PSIP1: variants seen among roughly 807,000 people sequenced by gnomAD.
The protein encoded by PSIP1 is PC4 and SFRS1-interacting protein.
In PSIP1, 19 loss-of-function variants were observed where a neutral mutation model predicts 74.7. The observed-to-expected ratio is 0.25, with a 90% CI of 0.18 to 0.37. The LOEUF (loss-of-function observed/expected upper bound fraction) is 0.37. Among genes scored for constraint, PSIP1 ranks in the 10% least tolerant of loss-of-function variants. The pLI is 1.00. For synonymous variants in PSIP1, 222 were observed against 195.3 expected (o/e 1.14, Z -1.14); for missense variants, 601 against 614.3 (o/e 0.98, Z 0.23).
chr9:15,465,800 G>A, intron 15 of PSIP1: 8 of 458,770 alleles, frequency 1.7e-5, no homozygotes, highest in South Asian at 8.8e-5. Flanking sequence ...GTAATATGCA[G>A]ATGAAGCAAA....
chr9:15,509,970 C>CA, intron 2 of PSIP1, 147 bp downstream of exon 2: 1 of 731,232 alleles, frequency 1.4e-6, no homozygotes, highest in Non-Finnish European at 2.0e-6. Flanking sequence ...GATTATTGGG[C>CA]AAAAAACTAA....
intron 10 of PSIP1, chr9:15,472,411 A>G (rs62571001): frequency 0.048 from 64,377 of 1,344,986 alleles, 1,685 homozygotes; most frequent in Middle Eastern, 0.072. Context: ...TTAAATTCAA[A>G]AATAATTCAC....
Position 15,473,927 on chromosome 9 carries a change from CAAAAA to C in PSIP1, c.858+77_858+81del, listed in dbSNP as rs768554289. The C allele has an allele frequency of 2.1e-5, 11 of 514,856 alleles. No homozygotes were observed. The African/African-American group carries it at 2.2e-4, about 10-fold the overall frequency. The allele number at this position is 514,856 out of a possible 1,614,324, so 31.9% of individuals were successfully genotyped here. A position where few individuals can be genotyped will look rare whatever the true frequency, so the allele number is the denominator to read the frequency against. On this transcript the variant is annotated intron_variant, in intron 9 of 15. Transcript: ENST00000380733. ...AACAAAAAAAAAACAAAAAAAAAAA[CAAAAA>C]AAAAACAAAGAAAAAACAAAAAATA... is the stretch of plus-strand genomic sequence containing the variant.
At chr9:15,476,537 T>A (rs564876554) in intron 8 of PSIP1, among the ~76,000 whole-genome samples, 1 of 152,156 alleles carries the variant, frequency 6.6e-6, no homozygotes, top group East Asian at 1.9e-4. Context: ...GACTTTCAAA[T>A]TGGGTGATAG....
chr9:15,499,152 A>T (rs2037215211), intron 3 of PSIP1, among the ~76,000 whole-genome samples: 1 of 151,498 alleles, frequency 6.6e-6, no homozygotes, highest in South Asian at 2.1e-4. Context: ...AAAACAGCAG[A>T]GTCTCAACTT....
At chr9:15,468,383 C>A in intron 14 of PSIP1, 1 of 707,932 alleles carries the variant, frequency 1.4e-6, no homozygotes. Context: ...ATTGTTTATC[C>A]AGAGTCATCT....
intron 3 of PSIP1, among the ~76,000 whole-genome samples, chr9:15,504,532 T>C (rs554562599): frequency 4.9e-4 from 74 of 152,172 alleles, no homozygotes; most frequent in Non-Finnish European, 7.8e-4. Flanking sequence ...GGTCAGGAGA[T>C]CGAGACCATC....
chr9:15,476,685 T>C (rs2132071907), intron 8 of PSIP1, among the ~76,000 whole-genome samples: 1 of 152,304 alleles, frequency 6.6e-6, no homozygotes, highest in African/African-American at 2.4e-5. Context: ...GTATCTGTTA[T>C]TAAATATAAA....
intron 3 of PSIP1, among the ~76,000 whole-genome samples, chr9:15,503,076 G>A (rs2037417808): frequency 6.6e-6 from 1 of 152,136 alleles, no homozygotes; most frequent in African/African-American, 2.4e-5. Flanking sequence ...AAACTAAAAA[G>A]TTCAAACAGG....
chr9:15,496,972 T>G (rs934107765), intron 3 of PSIP1, among the ~76,000 whole-genome samples: 2 of 152,124 alleles, frequency 1.3e-5, no homozygotes, highest in Non-Finnish European at 2.9e-5. Context: ...CAATTGCTGG[T>G]GGGAATGTTA....
chr9:15,469,445 G>A, intron 11 of PSIP1, 109 bp from the exon 12 acceptor site: 1 of 644,130 alleles, frequency 1.6e-6, no homozygotes, highest in Non-Finnish European at 2.6e-6. Flanking sequence ...AATGTTCTTA[G>A]TAATCTTTAC....
At chr9:15,493,372 G>A (rs945240039) in intron 3 of PSIP1, among the ~76,000 whole-genome samples, 1 of 152,164 alleles carries the variant, frequency 6.6e-6, no homozygotes. Flanking sequence ...ATCATTATCA[G>A]CATTTGGGTC....
chr9:15,492,501 C>G (rs1007421747), intron 3 of PSIP1, among the ~76,000 whole-genome samples: 5 of 152,216 alleles, frequency 3.3e-5, no homozygotes, highest in African/African-American at 1.2e-4. Flanking sequence ...CCGCCTCAGG[C>G]TGGTGTTGAA....
At chr9:15,491,867 T>G (rs1429062675) in intron 3 of PSIP1, 1 of 152,556 alleles carries the variant, frequency 6.6e-6, no homozygotes, top group East Asian at 1.9e-4. Flanking sequence ...CAGGAGAGAA[T>G]GCATGCAAGC....
At position 15,510,233 on chromosome 9, in the gene PSIP1, G is replaced by T; in HGVS notation, c.-45C>A. 1 of 1,573,378 alleles carries T rather than the reference G, an allele frequency of 6.4e-7. No homozygotes were observed. The highest frequency in any genetic ancestry group is 8.6e-7 in the Non-Finnish European group (1 of 1,157,422). On this transcript the variant is annotated 5_prime_UTR_variant, in exon 2 of 16. Transcript: ENST00000380733. ...GGGTCCGAAGCCCGGGAGGCGGCGA[G>T]GAGATGCGGCGGCGCGGGGATGCGG...
chr9:15,468,954 T>TA lies in PSIP1; in HGVS notation c.1206+2dup, dbSNP rs2035736209. 6.2e-7 allele frequency: 1 copy of TA among 1,612,604 alleles called. No individual in the cohort carries two copies. The highest frequency in any genetic ancestry group is 8.5e-7 in the Non-Finnish European group (1 of 1,179,388). On this transcript the variant is annotated splice_region_variant and intron_variant, in intron 13 of 15. Coordinates refer to ENST00000380733, the MANE Select transcript of PSIP1 (RefSeq NM_033222.5). Reference sequence around the variant, plus strand: ...AGAATCCACATGACTTGAAATCACTTACTTTTTTCAGTGTAGTAATCATCT... The same window carrying TA: ...AGAATCCACATGACTTGAAATCACTTAACTTTTTTCAGTGTAGTAATCATCT...
chr9:15,492,732 T>G (rs1051788106), intron 3 of PSIP1, among the ~76,000 whole-genome samples: 1 of 145,034 alleles, frequency 6.9e-6, no homozygotes. Flanking sequence ...CATTTCCACA[T>G]GTCTTCTGAA....
intron 2 of PSIP1, among the ~76,000 whole-genome samples, chr9:15,507,648 A>C: frequency 6.8e-6 from 1 of 146,562 alleles, no homozygotes; most frequent in Admixed American, 6.6e-5. Flanking sequence ...TAAAAAAAAC[A>C]AAAAAAAAGA....
chr9:15,503,084 AG>A (rs2037418416), intron 3 of PSIP1, among the ~76,000 whole-genome samples: 1 of 152,248 alleles, frequency 6.6e-6, no homozygotes, highest in African/African-American at 2.4e-5. Flanking sequence ...AAGTTCAAAC[AG>A]GCCAGGCACA....
Sources: gnomAD v4.1 joint callset for allele counts (sites outside exome capture counted in the v4.1 genomes callset) on GRCh38, gnomAD v4.1.1 for gene constraint, MANE v1.5 for transcripts, NCBI Gene and HGNC (gene_info 2026-07-23, HGNC 2026-07-21) for gene names.